Variants in GABRB1 observed in about 807,000 individuals in gnomAD.
The protein encoded by GABRB1 is gamma-aminobutyric acid type A receptor subunit beta1, also known as gamma-aminobutyric acid receptor subunit beta-1.
In GABRB1, 17 loss-of-function variants were observed where a neutral mutation model predicts 51.6. The ratio of observed to expected loss-of-function variants is 0.33; its 90% confidence interval spans 0.23 to 0.49. The LOEUF (loss-of-function observed/expected upper bound fraction) is 0.49, where lower values mean the gene tolerates loss of function less well. Ranked by LOEUF, GABRB1 falls within the 20% of genes least tolerant of loss-of-function variation. GABRB1 has a pLI of 0.99. For missense variants in GABRB1, 410 were observed against 600.6 expected, an observed-to-expected ratio of 0.68 and a Z score of 3.32; for synonymous variants, 247 against 218.9, an observed-to-expected ratio of 1.13 and a Z score of -1.14.
chr4:47,143,572 AC>A (rs144911795), intron 3 of GABRB1, among the ~76,000 whole-genome samples: 2,267 of 151,982 alleles, frequency 0.015, 44 homozygotes, highest in African/African-American at 0.05. Context: ...TCGTGTGAGT[AC>A]TGCATGGTGC....
chr4:47,307,065 CA>C (rs1253542403), intron 4 of GABRB1, among the ~76,000 whole-genome samples: 2 of 152,042 alleles, frequency 1.3e-5, no homozygotes, highest in African/African-American at 4.8e-5. Flanking sequence ...ATTTTCTCAC[CA>C]GAAGTATGAC....
intron 3 of GABRB1, among the ~76,000 whole-genome samples, chr4:47,053,217 G>A (rs1445051948): frequency 1.3e-5 from 2 of 152,260 alleles, no homozygotes; most frequent in East Asian, 3.9e-4. Context: ...ATATGTCTTT[G>A]TCTTAGTCTG....
At chr4:47,059,304 G>T (rs1453439144) in intron 3 of GABRB1, among the ~76,000 whole-genome samples, 1 of 152,148 alleles carries the variant, frequency 6.6e-6, no homozygotes, top group Admixed American at 6.5e-5. Flanking sequence ...ATTTCTTATG[G>T]TATAACTAAG....
chr4:47,343,713 G>A (rs748745316), intron 5 of GABRB1, among the ~76,000 whole-genome samples: 2 of 152,170 alleles, frequency 1.3e-5, no homozygotes, highest in Non-Finnish European at 2.9e-5. Flanking sequence ...AATTAGGCCT[G>A]TGCTCACTAG....
intron 3 of GABRB1, among the ~76,000 whole-genome samples, chr4:47,055,648 G>T (rs998377086): frequency 6.6e-6 from 1 of 152,030 alleles, no homozygotes; most frequent in East Asian, 1.9e-4. Flanking sequence ...TTATTTCTAG[G>T]GCCCAAATGG....
intron 3 of GABRB1, among the ~76,000 whole-genome samples, chr4:47,075,995 A>G (rs932322179): frequency 1.3e-5 from 2 of 152,130 alleles, no homozygotes; most frequent in African/African-American, 4.8e-5. Flanking sequence ...TGATTTCTGT[A>G]ATCCTTGTGC....
intron 5 of GABRB1, among the ~76,000 whole-genome samples, chr4:47,372,222 G>T (rs1050509000): frequency 2.6e-5 from 4 of 152,126 alleles, no homozygotes; most frequent in African/African-American, 9.7e-5. Context: ...GTTTTTGTCA[G>T]GTTTGTCGAA....
intron 5 of GABRB1, among the ~76,000 whole-genome samples, chr4:47,337,555 T>C (rs1043051897): frequency 6.6e-6 from 1 of 151,806 alleles, no homozygotes; most frequent in Non-Finnish European, 1.5e-5. Flanking sequence ...CTATAATTCC[T>C]GCGCTTTGGG....
At chr4:47,266,712 G>A (rs1301542167) in intron 4 of GABRB1, among the ~76,000 whole-genome samples, 1 of 152,080 alleles carries the variant, frequency 6.6e-6, no homozygotes, top group African/African-American at 2.4e-5. Context: ...ATCTAATTTA[G>A]AGAATGTTCC....
At chr4:47,392,560 C>T (rs1728036679) in intron 5 of GABRB1, among the ~76,000 whole-genome samples, 1 of 152,130 alleles carries the variant, frequency 6.6e-6, no homozygotes, top group South Asian at 2.1e-4. Context: ...CCAGGATGGT[C>T]TTCATCTGTT....
chr4:47,096,621 T>C (rs750870081), intron 3 of GABRB1, among the ~76,000 whole-genome samples: 2 of 152,170 alleles, frequency 1.3e-5, no homozygotes, highest in African/African-American at 2.4e-5. Context: ...TCCTGAATTA[T>C]CCAGGTAGGC....
chr4:47,081,689 A>C (rs1168669521), intron 3 of GABRB1, among the ~76,000 whole-genome samples: 1 of 152,152 alleles, frequency 6.6e-6, no homozygotes, highest in African/African-American at 2.4e-5. Context: ...AGGACATACT[A>C]TAATGGCCTT....
chr4:47,238,564 C>T (rs1291642555), intron 4 of GABRB1, among the ~76,000 whole-genome samples: 1 of 152,156 alleles, frequency 6.6e-6, no homozygotes, highest in African/African-American at 2.4e-5. Flanking sequence ...GGCATTCAAA[C>T]ATGCTCGGAA....
chr4:47,051,777 G>C (rs550924528), intron 3 of GABRB1, among the ~76,000 whole-genome samples: 10 of 152,264 alleles, frequency 6.6e-5, no homozygotes, highest in African/African-American at 2.4e-4. Flanking sequence ...GACGGTAAAG[G>C]CTTCAGGTTA....
intron 3 of GABRB1, among the ~76,000 whole-genome samples, chr4:47,092,929 A>G (rs1236024572): frequency 6.6e-6 from 1 of 152,174 alleles, no homozygotes; most frequent in Non-Finnish European, 1.5e-5. Context: ...CCAGTTTCTG[A>G]CATTACTGCA....
chr4:47,097,984 T>C (rs1437158978), intron 3 of GABRB1, among the ~76,000 whole-genome samples: 2 of 152,180 alleles, frequency 1.3e-5, no homozygotes, highest in Non-Finnish European at 2.9e-5. Context: ...TGGCACCTTG[T>C]TTTGAATCAC....
intron 8 of GABRB1, among the ~76,000 whole-genome samples, chr4:47,416,984 A>T (rs62297848): frequency 0.024 from 3,700 of 152,310 alleles, 72 homozygotes; most frequent in Non-Finnish European, 0.036. Flanking sequence ...TAGAATCAGG[A>T]TCTATTTAAA....
rs184482634 is a variant in GABRB1 at position 47,305,600 on chromosome 4, A to G, written c.462-14527A>G. 5.2e-3 allele frequency among the ~76,000 whole-genome samples: 787 copies of G among 152,300 alleles called. 6 individuals carry two copies. The highest frequency in any genetic ancestry group is 0.016 in the South Asian group (78 of 4,824). ...CATCTGTTCAGGTGGAAGTCACACA[A>G]GAAGCAAGTAATCAAATAAATGAAT... On this transcript the variant is annotated intron_variant, in intron 4 of 8. Transcript: ENST00000295454.
At chr4:47,409,003 AG>A (rs1728669799) in intron 8 of GABRB1, among the ~76,000 whole-genome samples, 1 of 152,198 alleles carries the variant, frequency 6.6e-6, no homozygotes, top group Non-Finnish European at 1.5e-5. Context: ...AATGTTCTCT[AG>A]GGAGAGTAAT....
Sources: gnomAD v4.1 joint callset for allele counts (sites outside exome capture counted in the v4.1 genomes callset) on GRCh38, gnomAD v4.1.1 for gene constraint, MANE v1.5 for transcripts, NCBI Gene and HGNC (gene_info 2026-07-23, HGNC 2026-07-21) for gene names.